GABBR1: variants seen among roughly 807,000 people sequenced by gnomAD.
GABBR1 encodes the protein gamma-aminobutyric acid type B receptor subunit 1, also known as GABA-B receptor, R1 subunit.
GABBR1 carries 35 observed loss-of-function variants against 117.7 expected under a neutral mutation model. The ratio of observed to expected loss-of-function variants is 0.30; its 90% confidence interval spans 0.23 to 0.39. The LOEUF is 0.39. Ranked by LOEUF, GABBR1 falls within the 10% of genes least tolerant of loss-of-function variation. The pLI, the probability that GABBR1 is intolerant of heterozygous loss-of-function variation, is 1.00. For synonymous variants in GABBR1, 442 were observed against 486.6 expected (o/e 0.91, Z 1.21); for missense variants, 709 against 1,241.8 (o/e 0.57, Z 6.45).
intron 14 of GABBR1, 39 bp downstream of exon 14, chr6:29,610,885 G>T: frequency 1.3e-6 from 2 of 1,549,734 alleles, no homozygotes; most frequent in Non-Finnish European, 1.8e-6. Flanking sequence ...CTTGACTGTC[G>T]AGAGGGGCTG....
chr6:29,622,797 C>T lies in GABBR1; in HGVS notation c.963+508G>A, dbSNP rs1188729530. Among the ~76,000 whole-genome samples the T allele has an allele frequency of 6.6e-6, 1 of 151,956 alleles. No homozygotes were observed. The highest frequency in any genetic ancestry group is 2.4e-5 in the African/African-American group (1 of 41,338). On this transcript the variant is annotated intron_variant, in intron 8 of 22. Coordinates refer to ENST00000377034, the MANE Select transcript of GABBR1 (RefSeq NM_001470.4). The surrounding 1 kb of genome is among the most constrained non-coding windows in gnomAD (Gnocchi z 4.6). ...TCTGTCGGCTTCTCTCTCTTAGTAC[C>T]AACTACCAGATCCATGCAGCTGCCT...
Position 29,630,558 on chromosome 6 carries a change from G to C in GABBR1, c.375C>G (p.Ala125=). The C allele has an allele frequency of 6.2e-7, 1 of 1,613,054 alleles. No individual in the cohort carries two copies. The highest frequency in any genetic ancestry group is 8.5e-7 in the Non-Finnish European group (1 of 1,180,024). ...TGGDLPALDG[A]RVDFRCDPDF... ...CGGGGTCACACCGGAAATCCACCCG[G>C]GCTCCGTCCAGAGCTGGGAGGTCCC... is the stretch of plus-strand genomic sequence containing the variant. Residue 125 remains alanine (A), a synonymous_variant, in exon 4 of 23, where the codon GCC becomes GCG. Transcript: ENST00000377034. This position sits in a 1 kb window ranked among gnomAD's most constrained non-coding sequence, Gnocchi z 4.9.
At chr6:29,619,299 A>G (rs775872079) in intron 11 of GABBR1, among the ~76,000 whole-genome samples, 1 of 152,220 alleles carries the variant, frequency 6.6e-6, no homozygotes, top group Non-Finnish European at 1.5e-5. Context: ...TGATTAATCT[A>G]TAATCTCTTT....
At position 29,603,455 on chromosome 6, in the gene GABBR1, G is replaced by C. The variant is rs1246435104; in HGVS notation, c.*88C>G. ...TTGGATAGCATGTTCTTCCCAGCTG[G>C]GGATGGGGACCCCCTGCTTCCTGAG... On this transcript the variant is annotated 3_prime_UTR_variant, in exon 23 of 23. Coordinates refer to ENST00000377034, the MANE Select transcript of GABBR1 (RefSeq NM_001470.4). 2.7e-6 allele frequency: 3 copies of C among 1,124,466 alleles called. No homozygotes were observed. The highest frequency in any genetic ancestry group is 4.0e-6 in the Non-Finnish European group (3 of 757,678). 69.7% of individuals were successfully genotyped at this position (1,124,466 alleles called of 1,614,324 possible). A position where few individuals can be genotyped will look rare whatever the true frequency, so the allele number is the denominator to read the frequency against.
intron 6 of GABBR1, among the ~76,000 whole-genome samples, chr6:29,626,687 A>G (rs1185573054): frequency 6.6e-6 from 1 of 151,772 alleles, no homozygotes; most frequent in Non-Finnish European, 1.5e-5. Flanking sequence ...GTGCCCCAAG[A>G]TCTCTCATTA....
At position 29,613,093 on chromosome 6, in the gene GABBR1, A is replaced by T; in HGVS notation, c.1566+150T>A. On this transcript the variant is annotated intron_variant, in intron 12 of 22. Coordinates refer to ENST00000377034, the MANE Select transcript of GABBR1 (RefSeq NM_001470.4). The surrounding 1 kb of genome is among the most constrained non-coding windows in gnomAD (Gnocchi z 4.1). ...CCTCTAGTCTTTGATGGGTTCTTCTAATTTGAAGGTCCCTACTTCTCTGGT... is the reference window on the plus strand; with the variant it reads ...CCTCTAGTCTTTGATGGGTTCTTCTTATTTGAAGGTCCCTACTTCTCTGGT... 1.2e-6 allele frequency: 1 copy of T among 831,538 alleles called. No homozygotes were observed. 51.5% of individuals were successfully genotyped at this position (831,538 alleles called of 1,614,324 possible).
At position 29,607,558 on chromosome 6, in the gene GABBR1, T is replaced by C. The variant is rs1762090797; in HGVS notation, c.1993-340A>G. On this transcript the variant is annotated intron_variant, in intron 16 of 22. Coordinates refer to ENST00000377034, the MANE Select transcript of GABBR1 (RefSeq NM_001470.4). The surrounding 1 kb of genome is among the most constrained non-coding windows in gnomAD (Gnocchi z 5.0). ...GATATGACACAGACCCTTCACAACATGCTCCCATCCACCTGTCCAGCTAGG... is the reference window on the plus strand; with the variant it reads ...GATATGACACAGACCCTTCACAACACGCTCCCATCCACCTGTCCAGCTAGG... Among the ~76,000 whole-genome samples the C allele has an allele frequency of 6.6e-6, 1 of 152,110 alleles. No homozygotes were observed. Among genetic ancestry groups the C allele is most frequent in the Non-Finnish European group, 1.5e-5 (1 of 68,024 alleles).
chr6:29,615,587 C>T (rs56155438), intron 11 of GABBR1, among the ~76,000 whole-genome samples: 5,727 of 136,446 alleles, frequency 0.042, 193 homozygotes, highest in East Asian at 0.12. Flanking sequence ...TCAGCCTGGG[C>T]GATGGAGTGA....
chr6:29,607,251 G>T lies in GABBR1; in HGVS notation c.1993-33C>A. ...GGAAGAGAGGGCACAGGCAGAACAG[G>T]GTAGAGTAGTAGCCGGGACTGCAGT... On this transcript the variant is annotated intron_variant, in intron 16 of 22. Transcript: ENST00000377034. The surrounding 1 kb of genome is among the most constrained non-coding windows in gnomAD (Gnocchi z 5.0). 1 of 1,556,460 alleles carries T rather than the reference G, an allele frequency of 6.4e-7. No individual in the cohort carries two copies. Among genetic ancestry groups the T allele is most frequent in the Non-Finnish European group, 8.9e-7 (1 of 1,128,528 alleles).
intron 11 of GABBR1, among the ~76,000 whole-genome samples, chr6:29,617,619 T>G (rs1763290481): frequency 6.6e-6 from 1 of 152,196 alleles, no homozygotes; most frequent in African/African-American, 2.4e-5. Context: ...TATTTCTAAC[T>G]GACTCTGAGG....
Position 29,621,073 on chromosome 6 carries a change from G to C in GABBR1, c.1323+28C>G. 1 of 1,597,562 alleles carries C rather than the reference G, an allele frequency of 6.3e-7. No homozygotes were observed. The highest frequency in any genetic ancestry group is 1.1e-5 in the South Asian group (1 of 89,316). On this transcript the variant is annotated intron_variant, in intron 11 of 22. Transcript: ENST00000377034. The surrounding 1 kb of genome is among the most constrained non-coding windows in gnomAD (Gnocchi z 5.0). ...CTCAGTCCTCTCCACCCTCCCAGGT[G>C]CCAGACTGCAAGTCCCCACACTCTC... is the stretch of plus-strand genomic sequence containing the variant.
Position 29,630,638 on chromosome 6 carries a change from TTCG to T in GABBR1, c.292_294del (p.Arg98del). On this transcript the variant is annotated inframe_deletion and splice_region_variant, in exon 4 of 23. Coordinates refer to ENST00000377034, the MANE Select transcript of GABBR1 (RefSeq NM_001470.4). This position sits in a 1 kb window ranked among gnomAD's most constrained non-coding sequence, Gnocchi z 4.9. ...AGGGTCAAATAAGACTTGGAGCAGA[TTCG>T]GACTGTGGAGAGATAGGAAAATAAG... 6.2e-7 allele frequency: 1 copy of T among 1,609,960 alleles called. No individual in the cohort carries two copies. Among genetic ancestry groups the T allele is most frequent in the South Asian group, 1.1e-5 (1 of 91,044 alleles).
chr6:29,628,580 T>A (rs774857140), intron 5 of GABBR1, among the ~76,000 whole-genome samples: 1 of 146,212 alleles, frequency 6.8e-6, no homozygotes, highest in Non-Finnish European at 1.5e-5. Flanking sequence ...AGACAGGACA[T>A]GGAATTGAGA....
At position 29,630,744 on chromosome 6, in the gene GABBR1, C is replaced by T. The variant is rs1396941451; in HGVS notation, c.290-101G>A. 1.1e-6 allele frequency: 1 copy of T among 914,864 alleles called. No individual in the cohort carries two copies. The highest frequency in any genetic ancestry group is 1.7e-5 in the African/African-American group (1 of 60,120). The allele number at this position is 914,864 out of a possible 1,614,324, so 56.7% of individuals were successfully genotyped here. ...GTGCAGGTTTGGGTCCACAAGCATCCTGCTCTAAAGAAAATCACATGTGAA... is the reference window on the plus strand; with the variant it reads ...GTGCAGGTTTGGGTCCACAAGCATCTTGCTCTAAAGAAAATCACATGTGAA... On this transcript the variant is annotated intron_variant, in intron 3 of 22. Transcript: ENST00000377034. This position sits in a 1 kb window ranked among gnomAD's most constrained non-coding sequence, Gnocchi z 4.9.
In GABBR1 at chr6:29,621,010, G is replaced by C. The variant is rs1194326120; in HGVS notation, c.1323+91C>G. ...CTCTTCTCCTTTATATCCAAATTCC[G>C]CACCCTCTCCCTGCCACCCTTTCCC... On this transcript the variant is annotated intron_variant, in intron 11 of 22. Transcript: ENST00000377034. This position sits in a 1 kb window ranked among gnomAD's most constrained non-coding sequence, Gnocchi z 5.0. 1 of 1,123,160 alleles carries C rather than the reference G, an allele frequency of 8.9e-7. No individual in the cohort carries two copies. Among genetic ancestry groups the C allele is most frequent in the African/African-American group, 1.6e-5 (1 of 64,222 alleles). 69.6% of individuals were successfully genotyped at this position (1,123,160 alleles called of 1,614,324 possible).
rs781683936 is a variant in GABBR1 at position 29,606,972 on chromosome 6, C to T, written c.2142G>A (p.Val714=). 7 of 1,614,128 alleles carry T rather than the reference C, an allele frequency of 4.3e-6. No individual in the cohort carries two copies. The African/African-American group carries it at 9.3e-5, about 22-fold the overall frequency. Residue 714 remains valine, a synonymous_variant, in exon 18 of 23, where the codon GTG becomes GTA. Transcript: ENST00000377034. This position sits in a 1 kb window ranked among gnomAD's most constrained non-coding sequence, Gnocchi z 4.5. The part of the protein sequence containing the change: ...TLEPWKLYAT[V]GLLVGMDVLT... ...GGACATCCATGCCCACCAGCAGGCC[C>T]ACTGTGGCATACAGCTTCCAGGGTT...
At chr6:29,628,670 G>A (rs149926136) in intron 5 of GABBR1, among the ~76,000 whole-genome samples, 156 of 149,402 alleles carry the variant, frequency 1.0e-3, no homozygotes, top group African/African-American at 3.2e-3. Context: ...GGATGGGTGG[G>A]ACAGGCTGAG....
rs910947138 is a variant in GABBR1, at chr6:29,632,328, C to T, written c.58G>A (p.Ala20Thr). The T allele has an allele frequency of 4.4e-6, 6 of 1,372,616 alleles. No individual in the cohort carries two copies. The African/African-American group carries it at 4.6e-5, about 11-fold the overall frequency. 85.0% of individuals were successfully genotyped at this position (1,372,616 alleles called of 1,614,324 possible). A position where few individuals can be genotyped will look rare whatever the true frequency, so the allele number is the denominator to read the frequency against. Residue 20 changes from alanine to threonine, a missense_variant, in exon 2 of 23, where the codon GCG (alanine) becomes ACG (threonine). Physicochemically the swap from Ala to Thr is moderately conservative, Grantham distance 58. Transcript: ENST00000377034. The surrounding 1 kb of genome is among the most constrained non-coding windows in gnomAD (Gnocchi z 5.8). ...TCTGAGGTGGCGTTGGGGGTCTGCG[C>T]CCCGCCCGCGCCCGGGGGGCGGAGG... is the stretch of plus-strand genomic sequence containing the variant. ...LFLRPPGAGG[A>T]QTPNATSEGC... is the part of the protein sequence containing the mutation.
chr6:29,624,641 TG>T (rs1315806851), intron 6 of GABBR1, among the ~76,000 whole-genome samples: 2 of 151,668 alleles, frequency 1.3e-5, no homozygotes, highest in Admixed American at 6.6e-5. Context: ...AAAAAGACAC[TG>T]GGGGGTGGAA....
Sources: gnomAD v4.1 joint callset for allele counts (sites outside exome capture counted in the v4.1 genomes callset) on GRCh38, gnomAD v4.1.1 for gene constraint, Gnocchi (gnomAD v3.1) non-coding constraint, MANE v1.5 for transcripts, NCBI Gene and HGNC (gene_info 2026-07-23, HGNC 2026-07-21) for gene names.